USP11: variants seen among roughly 807,000 people sequenced by gnomAD.
USP11 encodes ubiquitin specific peptidase 11.
A neutral mutation model predicts 72.8 loss-of-function variants in USP11; 5 were observed. The ratio of observed to expected loss-of-function variants is 0.07; its 90% CI spans 0.04 to 0.14. The LOEUF is 0.14. Ranked by LOEUF, USP11 falls within the 10% of genes least tolerant of loss-of-function variation. USP11 has a pLI of 1.00. For missense variants in USP11, 480 were observed against 794.7 expected (o/e 0.60, Z 4.76); for synonymous variants, 368 against 326.5 (o/e 1.13, Z -1.37).
In USP11 at chrX:47,247,425, T is replaced by C. The variant is rs2055440381; in HGVS notation, c.2536+6T>C. ...GGGCATGCGTGATGGACACTGTATG[T>C]GCCAGGCTGTGGGTGGGGCCTGCCC... On this transcript the variant is annotated splice_donor_region_variant and intron_variant, in intron 19 of 20. Transcript: ENST00000377107. 2 of 1,206,389 alleles carry C rather than the reference T, an allele frequency of 1.7e-6. No individual in the cohort carries two copies. The highest frequency in any genetic ancestry group is 1.8e-5 in the African/African-American group (1 of 56,579).
At position 47,241,390 on chromosome X, in the gene USP11, A is replaced by G. The variant is rs1322960329; in HGVS notation, c.960A>G (p.Ala320=). The part of the protein sequence containing the change: ...GMKGEIAEAY[A]DLVKQAWSGH... ...AGGGTGAGATCGCAGAGGCCTATGC[A>G]GACCTGGTGAAGCAGGCGTGGTCTG... is the stretch of plus-strand genomic sequence containing the variant. Residue 320 remains alanine, a synonymous_variant, in exon 8 of 21, where the codon GCA becomes GCG. Transcript: ENST00000377107. 1 of 1,209,179 alleles carries G rather than the reference A, an allele frequency of 8.3e-7. No homozygotes were observed. Among genetic ancestry groups the G allele is most frequent in the East Asian group, 3.0e-5 (1 of 33,731 alleles).
Position 47,247,062 on chromosome X carries a change from C to T in USP11, c.2271-10C>T, listed in dbSNP as rs368854556. 3.4e-6 allele frequency: 4 copies of T among 1,192,066 alleles called. No homozygotes were observed. The highest frequency in any genetic ancestry group is 4.9e-5 in the Admixed American group (2 of 40,554). On this transcript the variant is annotated splice_polypyrimidine_tract_variant and intron_variant, in intron 17 of 20. Transcript: ENST00000377107. The stretch of plus-strand genomic sequence containing the variant: ...AAAAGTCCGTTTGCTGACTCGGGCT[C>T]TGTCTGTAGGTACTGCCCTTCCTGC...
Position 47,240,634 on chromosome X carries a change from A to G in USP11, c.729A>G (p.Ala243=), listed in dbSNP as rs759241093. 5.8e-6 allele frequency: 7 copies of G among 1,210,462 alleles called. No homozygotes were observed. The highest frequency in any genetic ancestry group is 7.8e-6 in the Non-Finnish European group (7 of 895,310). Reference sequence around the variant, plus strand: ...AGAAAGATGGCACTTGGCCCAGCGCACAGCTGCATGTCATGTGAGCCCTTG... The same window carrying G: ...AGAAAGATGGCACTTGGCCCAGCGCGCAGCTGCATGTCATGTGAGCCCTTG... ...TRKKDGTWPS[A]QLHVMNNNMS... Residue 243 remains alanine, a synonymous_variant, in exon 6 of 21, where the codon GCA becomes GCG. Transcript: ENST00000377107.
Position 47,244,767 on chromosome X carries a change from C to T in USP11, c.1929C>T (p.Pro643=), listed in dbSNP as rs1285672111. The change falls in exon 15 of 21, where the codon CCC becomes CCT. Residue 643 remains proline, a synonymous_variant. Transcript: ENST00000377107. The stretch of plus-strand genomic sequence containing the variant: ...ACCCTGAGCCAGAGCAGGCTGGGCC[C>T]AGCTCTGGAGTCACGAACAGGTGCC... ...LRDPEPEQAG[P]SSGVTNRCPF... 1 of 1,207,323 alleles carries T rather than the reference C, an allele frequency of 8.3e-7. No homozygotes were observed. Among genetic ancestry groups the T allele is most frequent in the African/African-American group, 1.8e-5 (1 of 56,402 alleles).
chrX:47,248,085 T>G lies in USP11; in HGVS notation c.*155T>G, dbSNP rs2055446527. ...CTGTTCTCCTGTGCCGCTGCATCGC[T>G]CTCTCCCGGGAAAGAACAGGTCGTG... On this transcript the variant is annotated 3_prime_UTR_variant, in exon 21 of 21. Coordinates refer to ENST00000377107, the MANE Select transcript of USP11 (RefSeq NM_001371072.1). 9 of 843,982 alleles carry G rather than the reference T, an allele frequency of 1.1e-5. No individual in the cohort carries two copies. The highest frequency in any genetic ancestry group is 1.4e-5 in the Non-Finnish European group (9 of 622,773). 69.6% of individuals were successfully genotyped at this position (843,982 alleles called of 1,213,427 possible). A position where few individuals can be genotyped will look rare whatever the true frequency, so the allele number is the denominator to read the frequency against.
chrX:47,240,641 C>T lies in USP11; in HGVS notation c.736C>T (p.His246Tyr), dbSNP rs1449474691. 3 of 1,210,601 alleles carry T rather than the reference C, an allele frequency of 2.5e-6. No homozygotes were observed. Among genetic ancestry groups the T allele is most frequent in the African/African-American group, 3.5e-5 (2 of 57,343 alleles). Residue 246 changes from histidine to tyrosine, a missense_variant, in exon 6 of 21, where the codon CAT becomes TAT. Physicochemically the swap from His to Tyr is moderately conservative, Grantham distance 83. Transcript: ENST00000377107. ...KDGTWPSAQL[H>Y]VMNNNMSEED... ...TGGCACTTGGCCCAGCGCACAGCTGCATGTCATGTGAGCCCTTGGGGTATC... is the reference window on the plus strand; with the variant it reads ...TGGCACTTGGCCCAGCGCACAGCTGTATGTCATGTGAGCCCTTGGGGTATC...
In USP11 at chrX:47,247,381, C is replaced by T; in HGVS notation, c.2498C>T (p.Ala833Val). The change falls in exon 19 of 21, where the codon GCG (alanine) becomes GTG (valine). Residue 833 changes from alanine to valine, a missense_variant. Coordinates refer to ENST00000377107, the MANE Select transcript of USP11 (RefSeq NM_001371072.1). Reference protein sequence around the residue: ...NPELYKYDLIAVSNHYGGMRD... With the variant: ...NPELYKYDLIVVSNHYGGMRD... Reference sequence around the variant, plus strand: ...GAGCTGTACAAATATGACCTCATCGCGGTTTCCAACCATTATGGGGGCATG... The same window carrying T: ...GAGCTGTACAAATATGACCTCATCGTGGTTTCCAACCATTATGGGGGCATG... 1 of 1,211,037 alleles carries T rather than the reference C, an allele frequency of 8.3e-7. No homozygotes were observed. The highest frequency in any genetic ancestry group is 1.1e-6 in the Non-Finnish European group (1 of 895,413).
intron 17 of USP11, among the ~76,000 whole-genome samples, chrX:47,245,954 T>C (rs1248548199): frequency 9.0e-6 from 1 of 111,580 alleles, no homozygotes; most frequent in Non-Finnish European, 1.9e-5. Context: ...AGCCTTGGCC[T>C]GTGCTGTTCC....
In USP11 at chrX:47,241,470, A is replaced by G. The variant is rs748865025; in HGVS notation, c.1020+20A>G. The G allele has an allele frequency of 5.8e-5, 69 of 1,189,370 alleles. No individual in the cohort carries two copies. In the South Asian group the frequency reaches 1.3e-3, roughly 22 times the overall value. On this transcript the variant is annotated intron_variant, in intron 8 of 20. Transcript: ENST00000377107. ...TTCAAGGTGTGACTCAACCCTGGGC[A>G]CCCCCGACCCCCTACGTCTCTTGGC... is the stretch of plus-strand genomic sequence containing the variant.
chrX:47,246,911 C>T (rs2055436241), intron 17 of USP11, among the ~76,000 whole-genome samples, 161 bp from the exon 18 acceptor site: 1 of 109,922 alleles, frequency 9.1e-6, no homozygotes, highest in Non-Finnish European at 1.9e-5. Flanking sequence ...ATTCCAGCTA[C>T]TCGGGAGGCT....
rs2055403811 is a variant in USP11, at chrX:47,241,673, T to G, written c.1153T>G (p.Cys385Gly). 1.7e-6 allele frequency: 2 copies of G among 1,201,846 alleles called. No individual in the cohort carries two copies. Among genetic ancestry groups the G allele is most frequent in the Admixed American group, 2.2e-5 (1 of 44,526 alleles). ...RVKKKEYVELCDAAGRPDQEV... is the reference protein window; with the variant it reads ...RVKKKEYVELGDAAGRPDQEV... Reference sequence around the variant, plus strand: ...GAAGAAGAAGGAGTATGTGGAGCTGTGCGATGCTGCTGGGCGACCGGATCA... The same window carrying G: ...GAAGAAGAAGGAGTATGTGGAGCTGGGCGATGCTGCTGGGCGACCGGATCA... The change falls in exon 9 of 21, where the codon TGC becomes GGC. Residue 385 changes from cysteine to glycine, a missense_variant. Transcript: ENST00000377107.
chrX:47,248,052 C>T lies in USP11; in HGVS notation c.*122C>T, dbSNP rs1347074421. On this transcript the variant is annotated 3_prime_UTR_variant, in exon 21 of 21. Transcript: ENST00000377107. ...CCCCGCCAGGCATTGCAGGCTTAGT[C>T]GTGGCTACTGTTCTCCTGTGCCGCT... 3.0e-6 allele frequency: 3 copies of T among 993,276 alleles called. No homozygotes were observed. Among genetic ancestry groups the T allele is most frequent in the South Asian group, 2.3e-5 (1 of 42,851 alleles). 81.9% of individuals were successfully genotyped at this position (993,276 alleles called of 1,213,427 possible).
chrX:47,237,100 A>G (rs2055375709), intron 1 of USP11, among the ~76,000 whole-genome samples: 1 of 112,450 alleles, frequency 8.9e-6, no homozygotes, highest in South Asian at 3.6e-4. Flanking sequence ...CGTGATTTTA[A>G]TGTTATTTTT....
chrX:47,241,336 G>A lies in USP11; in HGVS notation c.906G>A (p.Glu302=), dbSNP rs773462135. The change falls in exon 8 of 21, where the codon GAG becomes GAA. Residue 302 remains glutamate (E), a synonymous_variant. Transcript: ENST00000377107. ...TCCTCAACAACTGCTACCTGGAGGA[G>A]CTCAACTTCCGCAACCCACTGGGCA... The part of the protein sequence containing the change: ...EYFLNNCYLE[E]LNFRNPLGMK... The A allele has an allele frequency of 8.3e-6, 10 of 1,209,768 alleles. No individual in the cohort carries two copies. Among genetic ancestry groups the A allele is most frequent in the Non-Finnish European group, 1.0e-5 (9 of 895,113 alleles).
At chrX:47,241,722 GTCCAA>G (rs751806746) in intron 9 of USP11, 23 bp downstream of exon 9, 5 of 1,167,281 alleles carry the variant, frequency 4.3e-6, no homozygotes, top group Non-Finnish European at 5.7e-6. Context: ...CGCATTTGCA[GTCCAA>G]TTAACATCAC....
chrX:47,236,782 A>G (rs979991575), intron 1 of USP11, among the ~76,000 whole-genome samples: 2 of 112,339 alleles, frequency 1.8e-5, no homozygotes, highest in African/African-American at 6.5e-5. Context: ...AAGAAACTAG[A>G]AAATTAAAAT....
At position 47,244,862 on chromosome X, in the gene USP11, C is replaced by T; in HGVS notation, c.2024C>T (p.Thr675Ile). The T allele has an allele frequency of 8.3e-7, 1 of 1,211,749 alleles. No individual in the cohort carries two copies. Among genetic ancestry groups the T allele is most frequent in the Non-Finnish European group, 1.1e-6 (1 of 895,526 alleles). Residue 675 changes from threonine to isoleucine, a missense_variant, in exon 15 of 21, where the codon ACC becomes ATC. Thr to Ile is a moderately conservative substitution (Grantham distance 89, BLOSUM62 -1). Transcript: ENST00000377107. ...PPRRRRKQLF[T>I]LQTVNSNGTS... ...AGGCGACGACGCAAGCAGCTGTTCA[C>T]CCTGCAGACGGTGAACTCCAATGGG... is the stretch of plus-strand genomic sequence containing the variant.
At chrX:47,238,563 T>G (rs1233597031) in intron 1 of USP11, among the ~76,000 whole-genome samples, 1 of 101,614 alleles carries the variant, frequency 9.8e-6, no homozygotes, top group Non-Finnish European at 2.0e-5. Context: ...GCATTTTAAA[T>G]TCTTTGCTCC....
chrX:47,236,761 A>G (rs1460047376), intron 1 of USP11, among the ~76,000 whole-genome samples: 1 of 112,473 alleles, frequency 8.9e-6, no homozygotes, highest in Non-Finnish European at 1.9e-5. Flanking sequence ...GTACCTGTAT[A>G]TACTGGCAGC....
Sources: allele counts gnomAD v4.1 joint callset (sites outside exome capture counted in the v4.1 genomes callset), GRCh38; gene constraint gnomAD v4.1.1; transcripts MANE v1.5; gene names NCBI Gene and HGNC (gene_info 2026-07-23, HGNC 2026-07-21).